The following PLXNA4 variants were observed in gnomAD, a reference collection of about 807,000 sequenced individuals.
PLXNA4 encodes plexin A4.
In PLXNA4, 44 loss-of-function variants were observed where a neutral mutation model predicts 191.8. The ratio of observed to expected loss-of-function variants is 0.23; its 90% CI spans 0.18 to 0.29. The LOEUF (loss-of-function observed/expected upper bound fraction) is 0.29. Among genes scored for constraint, PLXNA4 ranks in the 10% least tolerant of loss-of-function variants. The pLI is 1.00. For missense variants in PLXNA4, 1,800 were observed against 2,488.8 expected (o/e 0.72, Z 5.89); for synonymous variants, 1,082 against 1,009.5 (o/e 1.07, Z -1.36).
At chr7:132,348,157 G>A (rs1307666983) in intron 3 of PLXNA4, among the ~76,000 whole-genome samples, 1 of 152,150 alleles carries the variant, frequency 6.6e-6, no homozygotes, top group African/African-American at 2.4e-5. Context: ...AAGCTGAACT[G>A]CCTGGGTTAA....
rs555976979 is a variant in PLXNA4, at chr7:132,586,475, G to T, written c.-87+59453C>A. Among the ~76,000 whole-genome samples the T allele has an allele frequency of 1.4e-4, 21 of 152,366 alleles. No individual in the cohort carries two copies. In the South Asian group the frequency reaches 3.7e-3, roughly 27 times the overall value. On this transcript the variant is annotated intron_variant, in intron 2 of 4. Transcript: ENST00000378539. ...TGAAAATATATGGCACTCAGGCCGG[G>T]CATGGTGGCTCACGCCTATGATCCC... is the stretch of plus-strand genomic sequence containing the variant.
intron 3 of PLXNA4, among the ~76,000 whole-genome samples, chr7:132,473,398 G>C (rs2117432703): frequency 6.6e-6 from 1 of 152,302 alleles, no homozygotes; most frequent in South Asian, 2.1e-4. Context: ...AGTCCCAGGA[G>C]GGCAGTGGCG....
At chr7:132,562,831 C>CTTT in intron 1 of PLXNA4, among the ~76,000 whole-genome samples, 1 of 118,020 alleles carries the variant, frequency 8.5e-6, no homozygotes, top group Non-Finnish European at 1.7e-5. Flanking sequence ...TCCTCCTTCT[C>CTTT]CTCCTCCTTC....
intron 4 of PLXNA4, among the ~76,000 whole-genome samples, chr7:132,278,678 C>T (rs1462839822): frequency 6.6e-6 from 1 of 152,186 alleles, no homozygotes; most frequent in Admixed American, 6.5e-5. Flanking sequence ...AGCATATCTG[C>T]TGGCCACTAT....
chr7:132,486,926 TG>T (rs967739198), intron 3 of PLXNA4, among the ~76,000 whole-genome samples: 2 of 152,126 alleles, frequency 1.3e-5, no homozygotes, highest in Non-Finnish European at 2.9e-5. Flanking sequence ...CCCAAACTCA[TG>T]GTGCTGCACT....
At position 132,223,726 on chromosome 7, in the gene PLXNA4, C is replaced by T. The variant is rs1322650256; in HGVS notation, c.1983-85G>A. The T allele has an allele frequency of 3.9e-6, 4 of 1,037,456 alleles. No homozygotes were observed. In the African/African-American group the frequency reaches 6.4e-5, roughly 17 times the overall value. The allele number at this position is 1,037,456 out of a possible 1,614,324, so 64.3% of individuals were successfully genotyped here. A position where few individuals can be genotyped will look rare whatever the true frequency, so the allele number is the denominator to read the frequency against. Reference sequence around the variant, plus strand: ...CTTGAGTCTCTATGGTCTAGCAAAACATTTTTAGTATTAAGAGAAACCACC... The same window carrying T: ...CTTGAGTCTCTATGGTCTAGCAAAATATTTTTAGTATTAAGAGAAACCACC... On this transcript the variant is annotated intron_variant, in intron 8 of 31. Transcript: ENST00000321063.
chr7:132,642,565 C>T (rs1415002120), intron 2 of PLXNA4, among the ~76,000 whole-genome samples: 2 of 151,942 alleles, frequency 1.3e-5, no homozygotes, highest in African/African-American at 2.4e-5. Context: ...GGCAGACAGA[C>T]TTGAAGTTGA....
At chr7:132,323,211 C>T (rs2116648833) in intron 3 of PLXNA4, among the ~76,000 whole-genome samples, 1 of 152,284 alleles carries the variant, frequency 6.6e-6, no homozygotes, top group Admixed American at 6.5e-5. Flanking sequence ...TGTACATGTG[C>T]ATTGCTGGGT....
At chr7:132,370,286 A>C (rs1563061653) in intron 3 of PLXNA4, among the ~76,000 whole-genome samples, 1 of 152,072 alleles carries the variant, frequency 6.6e-6, no homozygotes, top group Non-Finnish European at 1.5e-5. Flanking sequence ...CTGTGTTATC[A>C]CAGATGCCAC....
At chr7:132,271,658 C>T (rs901734454) in intron 4 of PLXNA4, among the ~76,000 whole-genome samples, 4 of 152,016 alleles carry the variant, frequency 2.6e-5, no homozygotes, top group Admixed American at 6.6e-5. Context: ...AAGGTCAACA[C>T]CACTGCCATG....
intron 1 of PLXNA4, among the ~76,000 whole-genome samples, chr7:132,528,668 C>A (rs1436720373): frequency 6.6e-6 from 1 of 152,212 alleles, no homozygotes; most frequent in Non-Finnish European, 1.5e-5. Context: ...CCTTACTTGT[C>A]CACCTGTTTA....
intron 22 of PLXNA4, among the ~76,000 whole-genome samples, chr7:132,166,023 C>A (rs1257428785): frequency 6.6e-6 from 1 of 152,068 alleles, no homozygotes; most frequent in African/African-American, 2.4e-5. Context: ...ATGGTGAAAC[C>A]CCCTCTCTAC....
intron 4 of PLXNA4, among the ~76,000 whole-genome samples, chr7:132,277,720 C>T (rs1028708126): frequency 6.6e-6 from 1 of 152,136 alleles, no homozygotes; most frequent in Non-Finnish European, 1.5e-5. Context: ...TGGTTCTTAC[C>T]CCTTTTCTTC....
At chr7:132,182,030 C>G in intron 17 of PLXNA4, 67 bp downstream of exon 17, 1 of 1,610,598 alleles carries the variant, frequency 6.2e-7, no homozygotes, top group Non-Finnish European at 8.5e-7. Context: ...TGGGAAGACC[C>G]ACACCCTTTG....
At chr7:132,500,475 G>T (rs538771261) in intron 2 of PLXNA4, among the ~76,000 whole-genome samples, 1 of 151,932 alleles carries the variant, frequency 6.6e-6, no homozygotes, top group Non-Finnish European at 1.5e-5. Flanking sequence ...AGAAGAAGGA[G>T]GGGGAGGGGA....
At chr7:132,395,958 C>T (rs908890503) in intron 3 of PLXNA4, among the ~76,000 whole-genome samples, 2 of 152,170 alleles carry the variant, frequency 1.3e-5, no homozygotes, top group African/African-American at 4.8e-5. Flanking sequence ...ACTGGTATCC[C>T]AAGAGCTGCC....
At chr7:132,474,411 C>T (rs2117439448) in intron 3 of PLXNA4, among the ~76,000 whole-genome samples, 1 of 152,284 alleles carries the variant, frequency 6.6e-6, no homozygotes, top group South Asian at 2.1e-4. Context: ...TGTTTCCAGC[C>T]TGCAGGAGGT....
intron 3 of PLXNA4, among the ~76,000 whole-genome samples, chr7:132,450,632 A>G (rs189788056): frequency 1.2e-3 from 180 of 152,298 alleles, no homozygotes; most frequent in Admixed American, 1.9e-3. Context: ...CCTGCCCTCA[A>G]CTGAAGTCAA....
chr7:132,525,784 C>T (rs1799377577), intron 1 of PLXNA4, among the ~76,000 whole-genome samples: 3 of 152,136 alleles, frequency 2.0e-5, no homozygotes, highest in African/African-American at 7.2e-5. Flanking sequence ...AAGGCTCTGC[C>T]CTGAAAGGGT....
Sources: allele counts gnomAD v4.1 joint callset (sites outside exome capture counted in the v4.1 genomes callset), GRCh38; gene constraint gnomAD v4.1.1; transcripts MANE v1.5; gene names NCBI Gene and HGNC (gene_info 2026-07-23, HGNC 2026-07-21).